PPM1E: variants seen among roughly 807,000 people sequenced by gnomAD.
PPM1E encodes the protein protein phosphatase 1E.
Under a neutral mutation model 65.9 loss-of-function variants are expected in PPM1E, and 20 were observed. The observed-to-expected ratio is 0.30, with a 90% CI of 0.21 to 0.44. PPM1E has a LOEUF of 0.44. Ranked by LOEUF, PPM1E falls within the 20% of genes least tolerant of loss-of-function variation. The pLI is 1.00. For synonymous variants in PPM1E, 352 were observed against 374.9 expected, an observed-to-expected ratio of 0.94 and a Z score of 0.70; for missense variants, 713 against 953.1, an observed-to-expected ratio of 0.75 and a Z score of 3.32.
chr17:58,968,063 A>G (rs2030370642), intron 3 of PPM1E, among the ~76,000 whole-genome samples: 1 of 152,118 alleles, frequency 6.6e-6, no homozygotes. Context: ...TGGCCTCTCA[A>G]AGTGCTGGAA....
At chr17:58,821,713 G>A (rs1041044001) in intron 1 of PPM1E, among the ~76,000 whole-genome samples, 8 of 152,140 alleles carry the variant, frequency 5.3e-5, no homozygotes, top group Non-Finnish European at 1.0e-4. Flanking sequence ...AGTAATAACC[G>A]AAGTCTTCTT....
chr17:58,871,386 A>G lies in PPM1E; in HGVS notation c.465-84263A>G, dbSNP rs9901380. Among the ~76,000 whole-genome samples, 140 of 152,250 alleles carry G rather than the reference A, an allele frequency of 9.2e-4. 1 individual carries two copies. The highest frequency in any genetic ancestry group is 3.3e-3 in the African/African-American group (137 of 41,534). The stretch of plus-strand genomic sequence containing the variant: ...TTTTCCTGTAAGACTGTTTCATGTC[A>G]TGAACAATGAGCTCCAACACTCCCA... On this transcript the variant is annotated intron_variant, in intron 1 of 6. Coordinates refer to ENST00000308249, the MANE Select transcript of PPM1E (RefSeq NM_014906.5).
chr17:58,827,827 G>A lies in PPM1E; in HGVS notation c.464+71366G>A, dbSNP rs531999059. ...TGAGGCAGGAGAATGGCGTGAACCC[G>A]GGAGGCGGAGCTTGCAGTGAGCCAA... is the stretch of plus-strand genomic sequence containing the variant. On this transcript the variant is annotated intron_variant, in intron 1 of 6. Transcript: ENST00000308249. Among the ~76,000 whole-genome samples the A allele has an allele frequency of 9.5e-4, 142 of 149,882 alleles. No homozygotes were observed. The East Asian group carries it at 0.011, about 12-fold the overall frequency.
At position 58,958,586 on chromosome 17, in the gene PPM1E, T is replaced by C. The variant is rs1192051093; in HGVS notation, c.583+2819T>C. On this transcript the variant is annotated intron_variant, in intron 2 of 6. Transcript: ENST00000308249. ...AAATTTAAAAATAATAAAAAGTTTT[T>C]GTAAATAAATTTGAAAACCTGGATG... Among the ~76,000 whole-genome samples, 3 of 151,892 alleles carry C rather than the reference T, an allele frequency of 2.0e-5. No homozygotes were observed. In the East Asian group the frequency reaches 5.8e-4, roughly 29 times the overall value.
Position 58,983,667 on chromosome 17 carries a change from T to C in PPM1E, c.*2636T>C, listed in dbSNP as rs1008846589. The C allele has an allele frequency of 6.6e-6, 1 of 152,658 alleles. No individual in the cohort carries two copies. Among genetic ancestry groups the C allele is most frequent in the Non-Finnish European group, 1.5e-5 (1 of 68,036 alleles). The allele number at this position is 152,658 out of a possible 1,614,324, so 9.5% of individuals were successfully genotyped here. On this transcript the variant is annotated 3_prime_UTR_variant, in exon 7 of 7. Transcript: ENST00000308249. The stretch of plus-strand genomic sequence containing the variant: ...TCTATAAACTGTTAATGCTGAGGTA[T>C]AGTCTGTGAATTATGTGTTTTGTAT...
intron 1 of PPM1E, among the ~76,000 whole-genome samples, chr17:58,807,149 A>T (rs1201386323): frequency 6.6e-6 from 1 of 152,202 alleles, no homozygotes; most frequent in Non-Finnish European, 1.5e-5. Context: ...GAACTTGGAT[A>T]CATGAGATTT....
chr17:58,970,932 ATTCTT>A (rs2030566878), intron 4 of PPM1E, among the ~76,000 whole-genome samples: 1 of 151,750 alleles, frequency 6.6e-6, no homozygotes, highest in South Asian at 2.1e-4. Flanking sequence ...CCTCTATTCT[ATTCTT>A]TTTTTCCTCT....
chr17:58,883,445 G>T (rs995627293), intron 1 of PPM1E, among the ~76,000 whole-genome samples: 3 of 148,286 alleles, frequency 2.0e-5, no homozygotes, highest in Admixed American at 6.7e-5. Flanking sequence ...CCAAATACAG[G>T]CTTTCTTTAG....
intron 1 of PPM1E, among the ~76,000 whole-genome samples, chr17:58,837,564 C>G (rs1247638730): frequency 1.3e-5 from 2 of 148,436 alleles, no homozygotes; most frequent in Admixed American, 6.8e-5. Context: ...GTGGTGCAAT[C>G]TCTGCTCACT....
chr17:58,863,161 G>A (rs376253667), intron 1 of PPM1E, among the ~76,000 whole-genome samples: 30 of 152,322 alleles, frequency 2.0e-4, no homozygotes, highest in Admixed American at 1.2e-3. Flanking sequence ...CTGATCAGAA[G>A]AGGTTAAAAA....
intron 1 of PPM1E, among the ~76,000 whole-genome samples, chr17:58,934,087 CAAAAAAAA>C (rs11316368): frequency 7.5e-5 from 6 of 80,158 alleles, no homozygotes; most frequent in Non-Finnish European, 1.2e-4. Context: ...GACTTCGTAT[CAAAAAAAA>C]AAAAAAAAAA....
chr17:58,814,438 A>G (rs574724707), intron 1 of PPM1E, among the ~76,000 whole-genome samples: 24 of 152,326 alleles, frequency 1.6e-4, no homozygotes, highest in African/African-American at 5.5e-4. Context: ...TTACTACCCC[A>G]ATATATACAT....
chr17:58,938,932 G>A (rs183050525), intron 1 of PPM1E, among the ~76,000 whole-genome samples: 1 of 151,764 alleles, frequency 6.6e-6, no homozygotes, highest in East Asian at 1.9e-4. Context: ...GGGATTACAA[G>A]TGCCCACCAC....
At chr17:58,790,658 G>GC (rs986174895) in intron 1 of PPM1E, among the ~76,000 whole-genome samples, 3 of 152,060 alleles carry the variant, frequency 2.0e-5, no homozygotes, top group African/African-American at 7.2e-5. Context: ...TCACTCTGTT[G>GC]CAAGAAGCTC....
At chr17:58,919,611 C>A (rs2143528996) in intron 1 of PPM1E, among the ~76,000 whole-genome samples, 1 of 152,066 alleles carries the variant, frequency 6.6e-6, no homozygotes, top group South Asian at 2.1e-4. Context: ...CATGGAGAAA[C>A]CCTGTCTCTA....
chr17:58,800,398 C>A (rs2050247574), intron 1 of PPM1E, among the ~76,000 whole-genome samples: 1 of 151,846 alleles, frequency 6.6e-6, no homozygotes, highest in African/African-American at 2.4e-5. Flanking sequence ...TTCTCTCTTC[C>A]TTTTTTTCTT....
intron 1 of PPM1E, among the ~76,000 whole-genome samples, chr17:58,861,595 A>G (rs1288660023): frequency 6.6e-6 from 1 of 152,156 alleles, no homozygotes; most frequent in Non-Finnish European, 1.5e-5. Flanking sequence ...GCACTTGATA[A>G]GGTTATTTCA....
chr17:58,965,759 G>C lies in PPM1E; in HGVS notation c.649G>C (p.Val217Leu). The C allele has an allele frequency of 6.2e-7, 1 of 1,614,090 alleles. No homozygotes were observed. The highest frequency in any genetic ancestry group is 8.5e-7 in the Non-Finnish European group (1 of 1,180,004). ...SKLHEICCSW[V>L]KDFPLRRRPQ... ...ACTACACGAGATTTGCTGCAGCTGG[G>C]TGAAAGACTTCCCCCTCCGCAGGAG... Residue 217 changes from valine (V) to leucine (L), a missense_variant, in exon 3 of 7, where the codon GTG becomes CTG. Physicochemically the swap from Val to Leu is conservative, Grantham distance 32. Transcript: ENST00000308249.
chr17:58,817,990 C>T (rs1434160447), intron 1 of PPM1E, among the ~76,000 whole-genome samples: 5 of 152,104 alleles, frequency 3.3e-5, no homozygotes, highest in Admixed American at 1.3e-4. Context: ...CCACCCGCCT[C>T]GGCCTCCCAA....
Sources: gnomAD v4.1 joint callset for allele counts (sites outside exome capture counted in the v4.1 genomes callset) on GRCh38, gnomAD v4.1.1 for gene constraint, MANE v1.5 for transcripts, NCBI Gene and HGNC (gene_info 2026-07-23, HGNC 2026-07-21) for gene names.